The following CA8 variants were observed in gnomAD, a reference collection of about 807,000 sequenced individuals.
The protein encoded by CA8 is carbonic anhydrase 8 (inactive).
In CA8, 22 loss-of-function variants were observed where a neutral mutation model predicts 41.4. The observed-to-expected ratio is 0.53, with a 90% CI of 0.38 to 0.76. The LOEUF (loss-of-function observed/expected upper bound fraction) is 0.76. Among genes scored for constraint, CA8 ranks in the 30% least tolerant of loss-of-function variants. The probability of loss-of-function intolerance (pLI) is 0.00; values close to 1 mark genes in which losing one functional copy is unlikely to be tolerated. For synonymous variants in CA8, 121 were observed against 130.6 expected (o/e 0.93, Z 0.50); for missense variants, 270 against 352.8 (o/e 0.77, Z 1.88).
In CA8 at chr8:60,185,614, C is replaced by A. The variant is rs914584185; in HGVS notation, c.*4407G>T. 1.1e-4 allele frequency among the ~76,000 whole-genome samples: 16 copies of A among 152,080 alleles called. No individual in the cohort carries two copies. Among genetic ancestry groups the A allele is most frequent in the African/African-American group, 3.6e-4 (15 of 41,428 alleles). On this transcript the variant is annotated 3_prime_UTR_variant, in exon 9 of 9. Transcript: ENST00000317995. The stretch of plus-strand genomic sequence containing the variant: ...CGATTTGTCTTGTAGAAGGAAACCT[C>A]ATTAAGCTTTATAGCTGGCATCTCA...
At position 60,240,875 on chromosome 8, in the gene CA8, G is replaced by GA. The variant is rs914194497; in HGVS notation, c.418-8497dup. ...GAGGGGGCTATAAAATTTTGAAAAA[G>GA]AAAAAAAAAGATTATATCTCAGCTG... On this transcript the variant is annotated intron_variant, in intron 3 of 8. Coordinates refer to ENST00000317995, the MANE Select transcript of CA8 (RefSeq NM_004056.6). Among the ~76,000 whole-genome samples, 79 of 137,060 alleles carry GA rather than the reference G, an allele frequency of 5.8e-4. No homozygotes were observed. The South Asian group carries it at 0.015, about 26-fold the overall frequency. The allele number at this position is 137,060 out of a possible 152,430, so 89.9% of individuals were successfully genotyped here. A position where few individuals can be genotyped will look rare whatever the true frequency, so the allele number is the denominator to read the frequency against.
chr8:60,251,415 T>G (rs1808440925), intron 3 of CA8, among the ~76,000 whole-genome samples: 2 of 152,250 alleles, frequency 1.3e-5, no homozygotes, highest in African/African-American at 4.8e-5. Flanking sequence ...TCCTAGAATT[T>G]AGCTTTGAGT....
At chr8:60,227,985 A>C (rs1057127568) in intron 4 of CA8, among the ~76,000 whole-genome samples, 1 of 152,222 alleles carries the variant, frequency 6.6e-6, no homozygotes, top group South Asian at 2.1e-4. Context: ...TCAAATAAAC[A>C]ATCATTGCTT....
Position 60,249,209 on chromosome 8 carries a change from T to C in CA8, c.417+16716A>G, listed in dbSNP as rs987574765. On this transcript the variant is annotated intron_variant, in intron 3 of 8. Coordinates refer to ENST00000317995, the MANE Select transcript of CA8 (RefSeq NM_004056.6). The stretch of plus-strand genomic sequence containing the variant: ...AGGTAACGTAGCCATCTGGCAATCA[T>C]GAGTAAACAAAGCAAAGAGGAAAAG... 1.5e-4 allele frequency among the ~76,000 whole-genome samples: 23 copies of C among 152,106 alleles called. 1 individual carries two copies. The highest frequency in any genetic ancestry group is 4.6e-4 in the Admixed American group (7 of 15,262).
chr8:60,227,756 C>T (rs187263243), intron 4 of CA8, among the ~76,000 whole-genome samples: 6 of 152,148 alleles, frequency 3.9e-5, no homozygotes, highest in African/African-American at 1.4e-4. Flanking sequence ...TATAACTACC[C>T]TTCTATTCTT....
Position 60,207,578 on chromosome 8 carries a change from G to A in CA8, c.*35+1172C>T, listed in dbSNP as rs146461233. ...CAGGGTTTCCAAAGTGTAAGACCCC[G>A]GAATTTATCTTTGACACTTCCATCT... On this transcript the variant is annotated intron_variant, in intron 8 of 8. Coordinates refer to ENST00000317995, the MANE Select transcript of CA8 (RefSeq NM_004056.6). Among the ~76,000 whole-genome samples the A allele has an allele frequency of 1.2e-3, 184 of 152,154 alleles. 1 individual carries two copies. The highest frequency in any genetic ancestry group is 4.1e-3 in the African/African-American group (172 of 41,514).
chr8:60,217,278 C>A (rs1807054435), intron 7 of CA8, among the ~76,000 whole-genome samples: 1 of 152,228 alleles, frequency 6.6e-6, no homozygotes, highest in African/African-American at 2.4e-5. Context: ...AGACACCCAG[C>A]TCGTCTACTT....
At chr8:60,241,712 T>C (rs1402135547) in intron 3 of CA8, among the ~76,000 whole-genome samples, 1 of 152,118 alleles carries the variant, frequency 6.6e-6, no homozygotes, top group Non-Finnish European at 1.5e-5. Context: ...AACACTGGTT[T>C]CTTGATTTCC....
chr8:60,188,051 A>G lies in CA8; in HGVS notation c.*1970T>C, dbSNP rs1434760737. The G allele has an allele frequency of 6.6e-6, 1 of 152,224 alleles. No individual in the cohort carries two copies. Among genetic ancestry groups the G allele is most frequent in the Non-Finnish European group, 1.5e-5 (1 of 68,042 alleles). The allele number at this position is 152,224 out of a possible 1,614,324, so 9.4% of individuals were successfully genotyped here. A position where few individuals can be genotyped will look rare whatever the true frequency, so the allele number is the denominator to read the frequency against. On this transcript the variant is annotated 3_prime_UTR_variant, in exon 9 of 9. Transcript: ENST00000317995. ...AATTAAAGGATTTTCCATATAAAGA[A>G]TATTATGCCTCCAAACAATGTCACC...
At chr8:60,191,718 T>C (rs1187777639) in intron 8 of CA8, among the ~76,000 whole-genome samples, 1 of 152,152 alleles carries the variant, frequency 6.6e-6, no homozygotes, top group Non-Finnish European at 1.5e-5. Context: ...CCTAAGTTTA[T>C]GAAATTTCAT....
chr8:60,186,721 A>G lies in CA8; in HGVS notation c.*3300T>C, dbSNP rs996849867. 3.3e-5 allele frequency among the ~76,000 whole-genome samples: 5 copies of G among 152,026 alleles called. No homozygotes were observed. The highest frequency in any genetic ancestry group is 1.2e-4 in the African/African-American group (5 of 41,454). ...AAAGTGAAAAGATGAAAAAAGATAC[A>G]TCATACAAATAGCAACTATAAGAAA... On this transcript the variant is annotated 3_prime_UTR_variant, in exon 9 of 9. Transcript: ENST00000317995.
In CA8 at chr8:60,273,589, C is replaced by A. The variant is rs577272086; in HGVS notation, c.292+6100G>T. 3.3e-5 allele frequency among the ~76,000 whole-genome samples: 5 copies of A among 152,326 alleles called. No individual in the cohort carries two copies. In the South Asian group the frequency reaches 1.0e-3, roughly 32 times the overall value. ...AGGAGAAGAGGGTTCAGAAGGAAAC[C>A]TTAAGAAACCCTGTTATTTAAGCAC... On this transcript the variant is annotated intron_variant, in intron 2 of 8. Coordinates refer to ENST00000317995, the MANE Select transcript of CA8 (RefSeq NM_004056.6).
At chr8:60,246,571 T>C (rs1261057271) in intron 3 of CA8, among the ~76,000 whole-genome samples, 2 of 152,168 alleles carry the variant, frequency 1.3e-5, no homozygotes, top group African/African-American at 4.8e-5. Context: ...ATGCTGGGAT[T>C]GCAGATGTGA....
Position 60,222,913 on chromosome 8 carries a change from A to G in CA8, c.626-152T>C, listed in dbSNP as rs1807301409. ...AACTAGAGCCCCACAGTCTTACACT[A>G]CTCATTGTGGAGAAAATAATTGATA... On this transcript the variant is annotated intron_variant, in intron 6 of 8. Transcript: ENST00000317995. 20 of 674,624 alleles carry G rather than the reference A, an allele frequency of 3.0e-5. No homozygotes were observed. The South Asian group carries it at 3.3e-4, about 11-fold the overall frequency. The allele number at this position is 674,624 out of a possible 1,614,324, so 41.8% of individuals were successfully genotyped here.
intron 3 of CA8, among the ~76,000 whole-genome samples, chr8:60,242,180 C>T (rs1373762029): frequency 1.3e-5 from 2 of 152,146 alleles, no homozygotes; most frequent in African/African-American, 4.8e-5. Context: ...AGTGCACAAT[C>T]GAAATGTTAA....
chr8:60,195,248 T>C (rs1182388712), intron 8 of CA8, among the ~76,000 whole-genome samples: 1 of 152,228 alleles, frequency 6.6e-6, no homozygotes, highest in East Asian at 1.9e-4. Context: ...GCTATTTCAA[T>C]ATAGTTATAG....
intron 8 of CA8, among the ~76,000 whole-genome samples, chr8:60,201,200 A>C (rs559253371): frequency 3.3e-5 from 5 of 152,340 alleles, no homozygotes; most frequent in African/African-American, 1.2e-4. Context: ...GTATATGTTG[A>C]GTTTGAGATG....
chr8:60,269,254 C>A (rs75709683), intron 2 of CA8, among the ~76,000 whole-genome samples: 11 of 149,264 alleles, frequency 7.4e-5, no homozygotes, highest in African/African-American at 2.8e-4. Context: ...AATAAAAAAA[C>A]AAATCATCTC....
chr8:60,191,888 T>G (rs1032952333), intron 8 of CA8, among the ~76,000 whole-genome samples: 1 of 152,138 alleles, frequency 6.6e-6, no homozygotes. Flanking sequence ...GTGCAACAGA[T>G]GCACATACAT....
Sources: allele counts gnomAD v4.1 joint callset (sites outside exome capture counted in the v4.1 genomes callset), GRCh38; gene constraint gnomAD v4.1.1; transcripts MANE v1.5; gene names NCBI Gene and HGNC (gene_info 2026-07-23, HGNC 2026-07-21).